Variants in TOPBP1 observed in about 807,000 individuals in gnomAD.
TOPBP1 encodes DNA topoisomerase II binding protein 1, also known as DNA topoisomerase 2-binding protein 1.
A neutral mutation model predicts 167.7 loss-of-function variants in TOPBP1; 28 were observed. The observed-to-expected ratio is 0.17, with a 90% CI of 0.12 to 0.23. TOPBP1 has a LOEUF of 0.23. Ranked by LOEUF, TOPBP1 falls within the 10% of genes least tolerant of loss-of-function variation. TOPBP1 has a pLI of 1.00. For synonymous variants in TOPBP1, 598 were observed against 611.4 expected (o/e 0.98, Z 0.32); for missense variants, 1,554 against 1,809.6 (o/e 0.86, Z 2.56).
At position 133,640,053 on chromosome 3, in the gene TOPBP1, T is replaced by A. The variant is rs199725610; in HGVS notation, c.2139A>T (p.Leu713Phe). 6.3e-7 allele frequency: 1 copy of A among 1,597,086 alleles called. No homozygotes were observed. The highest frequency in any genetic ancestry group is 8.5e-7 in the Non-Finnish European group (1 of 1,172,348). ...ACAGCCAAGCTATAGTAACGGCAGGTAAATTCCACTTCTTTGCAGCTTCAT... is the reference window on the plus strand; with the variant it reads ...ACAGCCAAGCTATAGTAACGGCAGGAAAATTCCACTTCTTTGCAGCTTCAT... ...SKYEAAKKWN[L>F]PAVTIAWLLE... The change falls in exon 13 of 28, where the codon TTA becomes TTT. Residue 713 changes from leucine to phenylalanine, a missense_variant. This residue lies in a region of TOPBP1 where 1,197 missense variants were observed against 1,351.5 expected (regional missense o/e 0.89). Transcript: ENST00000260810.
intron 8 of TOPBP1, among the ~76,000 whole-genome samples, chr3:133,650,593 A>G (rs1326776014): frequency 6.6e-6 from 1 of 152,142 alleles, no homozygotes; most frequent in East Asian, 1.9e-4. Flanking sequence ...TATTTAAACC[A>G]ATTTAATCAA....
chr3:133,642,604 C>T (rs901003086), intron 12 of TOPBP1, among the ~76,000 whole-genome samples: 3 of 152,144 alleles, frequency 2.0e-5, no homozygotes, highest in African/African-American at 7.2e-5. Context: ...GGCAAGACTA[C>T]TTCAAAGTGG....
rs1935166872 is a variant in TOPBP1 at position 133,623,469 on chromosome 3, T to C, written c.2929-12A>G. On this transcript the variant is annotated splice_polypyrimidine_tract_variant and intron_variant, in intron 17 of 27. Coordinates refer to ENST00000260810, the MANE Select transcript of TOPBP1 (RefSeq NM_007027.4). ...CACTCTTGGGCACACTGCAATACAA[T>C]GGTGTGCTTTAAGACAGGACTGACA... is the stretch of plus-strand genomic sequence containing the variant. The C allele has an allele frequency of 6.2e-7, 1 of 1,600,816 alleles. No homozygotes were observed. The highest frequency in any genetic ancestry group is 8.5e-7 in the Non-Finnish European group (1 of 1,172,114).
Position 133,639,308 on chromosome 3 carries a change from G to T in TOPBP1, c.2233+651C>A, listed in dbSNP as rs183153108. 2.3e-4 allele frequency among the ~76,000 whole-genome samples: 35 copies of T among 152,282 alleles called. 1 individual carries two copies. In the East Asian group the frequency reaches 5.0e-3, roughly 22 times the overall value. Reference sequence around the variant, plus strand: ...AAAAAAGGATGAATTCATGTCCTTTGTCGGGACATGGATGAAGCTGGAAAC... The same window carrying T: ...AAAAAAGGATGAATTCATGTCCTTTTTCGGGACATGGATGAAGCTGGAAAC... On this transcript the variant is annotated intron_variant, in intron 13 of 27. Transcript: ENST00000260810.
chr3:133,656,201 TA>T (rs894793325), intron 5 of TOPBP1, among the ~76,000 whole-genome samples: 13 of 151,916 alleles, frequency 8.6e-5, no homozygotes, highest in African/African-American at 3.1e-4. Context: ...GTCAGATACG[TA>T]AAATGGGCTC....
intron 19 of TOPBP1, among the ~76,000 whole-genome samples, chr3:133,621,747 G>A (rs1935094429): frequency 6.6e-6 from 1 of 152,204 alleles, no homozygotes; most frequent in Admixed American, 6.5e-5. Flanking sequence ...GGAATGAACA[G>A]AGTGAGACTA....
chr3:133,610,622 G>C (rs745763869), intron 25 of TOPBP1, among the ~76,000 whole-genome samples: 2 of 144,904 alleles, frequency 1.4e-5, no homozygotes, highest in South Asian at 4.3e-4. Flanking sequence ...GCATGATGTA[G>C]GCTGATTAAA....
chr3:133,653,195 T>C lies in TOPBP1; in HGVS notation c.922+150A>G, dbSNP rs936271359. ...TACGAACAGTTCAGTGCTAACTTTT[T>C]ATACAATTTGACTATTATACAATTA... On this transcript the variant is annotated intron_variant, in intron 7 of 27. Coordinates refer to ENST00000260810, the MANE Select transcript of TOPBP1 (RefSeq NM_007027.4). The C allele has an allele frequency of 2.1e-5, 15 of 725,464 alleles. No homozygotes were observed. The African/African-American group carries it at 2.4e-4, about 12-fold the overall frequency. 44.9% of individuals were successfully genotyped at this position (725,464 alleles called of 1,614,324 possible).
intron 1 of TOPBP1, 60 bp from the exon 2 acceptor site, chr3:133,661,194 T>C: frequency 7.8e-7 from 1 of 1,280,020 alleles, no homozygotes; most frequent in African/African-American, 1.5e-5. Context: ...AAGTTGCATG[T>C]TTAACCTACC....
chr3:133,645,756 A>G (rs1936052848), intron 10 of TOPBP1, among the ~76,000 whole-genome samples: 1 of 152,186 alleles, frequency 6.6e-6, no homozygotes, highest in Non-Finnish European at 1.5e-5. Context: ...AACATGTTCT[A>G]CAGCAGTTCT....
At chr3:133,627,188 A>C (rs1292968130) in intron 16 of TOPBP1, among the ~76,000 whole-genome samples, 1 of 152,226 alleles carries the variant, frequency 6.6e-6, no homozygotes, top group Non-Finnish European at 1.5e-5. Context: ...AATTTCAGTA[A>C]TAAATTCTAT....
intron 10 of TOPBP1, among the ~76,000 whole-genome samples, 166 bp from the exon 11 acceptor site, chr3:133,644,529 T>A (rs1304839027): frequency 1.3e-5 from 2 of 152,236 alleles, no homozygotes. Flanking sequence ...TCTTCGGGGT[T>A]ACCAAGAGTC....
At chr3:133,642,994 T>A (rs1280614644) in intron 12 of TOPBP1, among the ~76,000 whole-genome samples, 1 of 152,128 alleles carries the variant, frequency 6.6e-6, no homozygotes, top group Non-Finnish European at 1.5e-5. Context: ...CCTCTAATGA[T>A]ACCTAAGTTT....
intron 19 of TOPBP1, among the ~76,000 whole-genome samples, chr3:133,622,719 A>G (rs1044211824): frequency 6.6e-6 from 1 of 152,252 alleles, no homozygotes; most frequent in East Asian, 1.9e-4. Context: ...AAAGAACTGG[A>G]CCAAAGACTA....
chr3:133,618,440 A>T lies in TOPBP1; in HGVS notation c.3372-7T>A. Reference sequence around the variant, plus strand: ...TACTGTCTGACGAGACTGCCTAAGGAATAGAAGTGACAGTTTAAATAAACA... The same window carrying T: ...TACTGTCTGACGAGACTGCCTAAGGTATAGAAGTGACAGTTTAAATAAACA... On this transcript the variant is annotated splice_polypyrimidine_tract_variant and splice_region_variant and intron_variant, in intron 20 of 27. Coordinates refer to ENST00000260810, the MANE Select transcript of TOPBP1 (RefSeq NM_007027.4). The T allele has an allele frequency of 1.2e-6, 2 of 1,608,976 alleles. No individual in the cohort carries two copies. The highest frequency in any genetic ancestry group is 1.7e-6 in the Non-Finnish European group (2 of 1,175,810).
intron 17 of TOPBP1, among the ~76,000 whole-genome samples, chr3:133,623,752 A>C (rs2107788483): frequency 6.6e-6 from 1 of 152,230 alleles, no homozygotes; most frequent in Non-Finnish European, 1.5e-5. Context: ...ACAGATCTAA[A>C]CTCTATTGAT....
chr3:133,638,656 G>C (rs1935762076), intron 13 of TOPBP1, among the ~76,000 whole-genome samples: 1 of 152,170 alleles, frequency 6.6e-6, no homozygotes, highest in Non-Finnish European at 1.5e-5. Flanking sequence ...TTACCAGTCT[G>C]TCTGGCAAAA....
Position 133,617,334 on chromosome 3 carries a change from C to A in TOPBP1, c.3593-8G>T. 1 of 1,591,794 alleles carries A rather than the reference C, an allele frequency of 6.3e-7. No homozygotes were observed. Among genetic ancestry groups the A allele is most frequent in the Non-Finnish European group, 8.5e-7 (1 of 1,171,548 alleles). On this transcript the variant is annotated splice_polypyrimidine_tract_variant and splice_region_variant and intron_variant, in intron 21 of 27. Coordinates refer to ENST00000260810, the MANE Select transcript of TOPBP1 (RefSeq NM_007027.4). ...TTCCAGGATCACAGACAGCTGAGGA[C>A]AATAAAATGCTGCAGTGTGACAGGA...
intron 13 of TOPBP1, among the ~76,000 whole-genome samples, chr3:133,639,333 C>T (rs1935808411): frequency 6.6e-6 from 1 of 152,068 alleles, no homozygotes; most frequent in Non-Finnish European, 1.5e-5. Context: ...AAGCTGGAAA[C>T]CATCATTCTG....
Sources: gnomAD v4.1 joint callset for allele counts (sites outside exome capture counted in the v4.1 genomes callset) on GRCh38, gnomAD v4.1.1 for gene constraint, gnomAD v4.1.1 regional missense constraint, MANE v1.5 for transcripts, NCBI Gene and HGNC (gene_info 2026-07-23, HGNC 2026-07-21) for gene names.